The following RNF2 variants were observed in gnomAD, a reference collection of about 807,000 sequenced individuals.
The protein encoded by RNF2 is ring finger protein 2, also known as E3 ubiquitin-protein ligase RING2.
A neutral mutation model predicts 37.2 loss-of-function variants in RNF2; 6 were observed. The ratio of observed to expected loss-of-function variants is 0.16; its 90% CI spans 0.09 to 0.32. The LOEUF is 0.32. Among genes scored for constraint, RNF2 ranks in the 10% least tolerant of loss-of-function variants. The probability of loss-of-function intolerance (pLI) is 1.00; values close to 1 mark genes in which losing one functional copy is unlikely to be tolerated. For missense variants in RNF2, 251 were observed against 404.0 expected (o/e 0.62, Z 3.25); for synonymous variants, 133 against 132.7 (o/e 1.00, Z -0.02).
intron 1 of RNF2, among the ~76,000 whole-genome samples, chr1:185,048,525 A>C (rs1650179963): frequency 6.6e-6 from 1 of 152,222 alleles, no homozygotes; most frequent in African/African-American, 2.4e-5. Flanking sequence ...ATTAAGTACA[A>C]TGGTGAAAAG....
intron 4 of RNF2, among the ~76,000 whole-genome samples, chr1:185,097,200 T>C (rs974596320): frequency 2.0e-5 from 3 of 152,206 alleles, no homozygotes; most frequent in African/African-American, 7.2e-5. Context: ...AGATTGTATG[T>C]ATAAAGTGCC....
At chr1:185,098,490 TCTTC>T (rs1651979204) in intron 5 of RNF2, 146 bp downstream of exon 5, 1 of 945,328 alleles carries the variant, frequency 1.1e-6, no homozygotes, top group Non-Finnish European at 1.5e-6. Context: ...ATTGTTGTTT[TCTTC>T]CTTCCTCCCT....
At chr1:185,078,692 C>T (rs1651249144) in intron 1 of RNF2, among the ~76,000 whole-genome samples, 1 of 152,126 alleles carries the variant, frequency 6.6e-6, no homozygotes, top group Admixed American at 6.5e-5. Flanking sequence ...GGCGGATCAC[C>T]TGAGGTTGGG....
chr1:185,062,817 C>T (rs183431316), intron 1 of RNF2, among the ~76,000 whole-genome samples: 1 of 149,712 alleles, frequency 6.7e-6, no homozygotes, highest in African/African-American at 2.5e-5. Context: ...ACCTCCCCCC[C>T]CCCAAAAAAA....
intron 3 of RNF2, chr1:185,092,000 T>C: frequency 3.4e-6 from 1 of 295,320 alleles, no homozygotes; most frequent in South Asian, 9.0e-5. Context: ...TTTTTTTGTA[T>C]TTTTAGTAGA....
chr1:185,050,054 G>A (rs546565981), intron 1 of RNF2, among the ~76,000 whole-genome samples: 1 of 152,340 alleles, frequency 6.6e-6, no homozygotes, highest in East Asian at 1.9e-4. Flanking sequence ...TGGGAGGGTA[G>A]TTTTGGAGTT....
intron 1 of RNF2, among the ~76,000 whole-genome samples, chr1:185,077,884 G>A (rs1206444830): frequency 6.6e-6 from 1 of 151,966 alleles, no homozygotes; most frequent in East Asian, 1.9e-4. Flanking sequence ...ATTTCTAAGG[G>A]ACATTTCTCT....
chr1:185,061,440 AAC>A (rs1006816622), intron 1 of RNF2, among the ~76,000 whole-genome samples: 4 of 152,082 alleles, frequency 2.6e-5, no homozygotes, highest in African/African-American at 7.2e-5. Context: ...AACAAAAAAA[AAC>A]ACACAAGATC....
At chr1:185,092,929 T>C (rs1557974069) in intron 3 of RNF2, 132 bp from the exon 4 acceptor site, 1 of 803,718 alleles carries the variant, frequency 1.2e-6, no homozygotes, top group Non-Finnish European at 2.0e-6. Flanking sequence ...TTCAGGATAA[T>C]TGGTTTACAT....
At chr1:185,099,064 T>C (rs1480730703) in intron 5 of RNF2, among the ~76,000 whole-genome samples, 3 of 151,162 alleles carry the variant, frequency 2.0e-5, no homozygotes, top group Non-Finnish European at 4.4e-5. Context: ...TTTTTTTTTT[T>C]TTTTGAGATG....
chr1:185,097,990 T>C, intron 4 of RNF2, 82 bp from the exon 5 acceptor site: 1 of 1,480,426 alleles, frequency 6.8e-7, no homozygotes, highest in Non-Finnish European at 9.1e-7. Context: ...AATTCTAAAG[T>C]TCAGTAGCAA....
chr1:185,053,127 C>T (rs1650317286), intron 1 of RNF2, among the ~76,000 whole-genome samples: 1 of 152,130 alleles, frequency 6.6e-6, no homozygotes, highest in African/African-American at 2.4e-5. Context: ...AAGTCTCAAC[C>T]ACCAGGCTCT....
intron 1 of RNF2, among the ~76,000 whole-genome samples, chr1:185,059,093 A>C (rs1163345600): frequency 6.6e-6 from 1 of 152,126 alleles, no homozygotes; most frequent in East Asian, 1.9e-4. Context: ...TGCCAGGATT[A>C]AGCTTTTTTG....
At chr1:185,080,526 C>T (rs1027059620) in intron 1 of RNF2, among the ~76,000 whole-genome samples, 5 of 152,068 alleles carry the variant, frequency 3.3e-5, no homozygotes, top group Non-Finnish European at 5.9e-5. Flanking sequence ...AAGACTTTGC[C>T]CCTATTTTTG....
intron 1 of RNF2, among the ~76,000 whole-genome samples, chr1:185,055,530 C>G (rs1049956143): frequency 6.6e-6 from 1 of 152,140 alleles, no homozygotes; most frequent in African/African-American, 2.4e-5. Flanking sequence ...AAGCTATTCT[C>G]CTGCCTCCTG....
At chr1:185,078,337 T>TA (rs1262610393) in intron 1 of RNF2, among the ~76,000 whole-genome samples, 6 of 152,228 alleles carry the variant, frequency 3.9e-5, no homozygotes, top group African/African-American at 9.6e-5. Context: ...ACTTGATTCT[T>TA]ATGAAGATTA....
rs1650503102 is a variant in RNF2, at chr1:185,058,548, A to G, written c.-3+12899A>G. ...AACTGTAAAAAGTATTTGAAACAGT[A>G]TCTGTTGTCTTGAATTAATGTTGGT... On this transcript the variant is annotated intron_variant, in intron 1 of 6. Coordinates refer to ENST00000367510, the MANE Select transcript of RNF2 (RefSeq NM_007212.4). Among the ~76,000 whole-genome samples, 4 of 152,234 alleles carry G rather than the reference A, an allele frequency of 2.6e-5. No homozygotes were observed. In the South Asian group the frequency reaches 8.3e-4, roughly 31 times the overall value.
intron 1 of RNF2, among the ~76,000 whole-genome samples, chr1:185,072,552 G>T (rs1304866596): frequency 2.0e-5 from 3 of 151,980 alleles, no homozygotes; most frequent in African/African-American, 7.2e-5. Flanking sequence ...AAATCTTGGG[G>T]GGAAGAAATC....
At chr1:185,099,141 T>C (rs1186542265) in intron 5 of RNF2, among the ~76,000 whole-genome samples, 1 of 150,096 alleles carries the variant, frequency 6.7e-6, no homozygotes, top group East Asian at 2.0e-4. Context: ...AACCTTTGCC[T>C]CCCGAGTTCA....
Sources: allele counts gnomAD v4.1 joint callset (sites outside exome capture counted in the v4.1 genomes callset), GRCh38; gene constraint gnomAD v4.1.1; transcripts MANE v1.5; gene names NCBI Gene and HGNC (gene_info 2026-07-23, HGNC 2026-07-21).